PHACTR1: variants seen among roughly 807,000 people sequenced by gnomAD.
PHACTR1 encodes the protein phosphatase and actin regulator 1, also known as RPEL repeat containing 1.
PHACTR1 carries 16 observed loss-of-function variants against 69.2 expected under a neutral mutation model. The observed-to-expected ratio is 0.23, with a 90% confidence interval of 0.16 to 0.35. The LOEUF is 0.35. Among genes scored for constraint, PHACTR1 ranks in the 10% least tolerant of loss-of-function variants. PHACTR1 has a pLI of 1.00. For missense variants in PHACTR1, 510 were observed against 734.7 expected, an observed-to-expected ratio of 0.69 and a Z score of 3.54; for synonymous variants, 312 against 284.5, an observed-to-expected ratio of 1.10 and a Z score of -0.97.
At chr6:13,026,218 G>A (rs1278782900) in intron 4 of PHACTR1, among the ~76,000 whole-genome samples, 1 of 152,156 alleles carries the variant, frequency 6.6e-6, no homozygotes, top group East Asian at 1.9e-4. Flanking sequence ...AAATCTAAGA[G>A]TGCAATTCCT....
chr6:13,062,201 T>C (rs1002543752), intron 5 of PHACTR1, among the ~76,000 whole-genome samples: 3 of 152,226 alleles, frequency 2.0e-5, no homozygotes, highest in African/African-American at 4.8e-5. Context: ...ACTGATGTAA[T>C]AGTATGTATG....
intron 3 of PHACTR1, among the ~76,000 whole-genome samples, chr6:12,723,531 G>C (rs1378918753): frequency 7.4e-6 from 1 of 134,902 alleles, no homozygotes; most frequent in Non-Finnish European, 1.5e-5. Context: ...GTCTGGCTCT[G>C]TCATCTCAGG....
At chr6:12,982,469 A>G (rs772804858) in intron 4 of PHACTR1, among the ~76,000 whole-genome samples, 73 of 152,236 alleles carry the variant, frequency 4.8e-4, no homozygotes, top group Non-Finnish European at 1.3e-4. Flanking sequence ...TCATGAAGTC[A>G]GGAGTTCAAA....
chr6:13,168,744 G>T (rs1561932887), intron 6 of PHACTR1, among the ~76,000 whole-genome samples: 1 of 152,150 alleles, frequency 6.6e-6, no homozygotes, highest in African/African-American at 2.4e-5. Context: ...GAGGGGTAAG[G>T]GAATGTTACA....
chr6:13,252,413 T>A (rs1250390871), intron 10 of PHACTR1, among the ~76,000 whole-genome samples: 2 of 152,006 alleles, frequency 1.3e-5, no homozygotes, highest in Admixed American at 6.6e-5. Flanking sequence ...AACTTCCATT[T>A]GACTCTCCAT....
chr6:12,847,954 T>C (rs1779451208), intron 4 of PHACTR1, among the ~76,000 whole-genome samples: 1 of 152,210 alleles, frequency 6.6e-6, no homozygotes, highest in East Asian at 1.9e-4. Flanking sequence ...CGGTATATTA[T>C]CTTTTATTTG....
At chr6:12,861,001 T>A (rs1230846878) in intron 4 of PHACTR1, among the ~76,000 whole-genome samples, 1 of 152,226 alleles carries the variant, frequency 6.6e-6, no homozygotes, top group Non-Finnish European at 1.5e-5. Context: ...CCTGGACATG[T>A]GGTCCATAGA....
At chr6:13,029,339 G>A (rs1802133023) in intron 4 of PHACTR1, among the ~76,000 whole-genome samples, 1 of 152,204 alleles carries the variant, frequency 6.6e-6, no homozygotes, top group African/African-American at 2.4e-5. Flanking sequence ...GAGTGGTTTG[G>A]TGAAAAGGGC....
chr6:13,237,680 G>A (rs1160565441), intron 10 of PHACTR1, among the ~76,000 whole-genome samples: 3 of 152,186 alleles, frequency 2.0e-5, no homozygotes, highest in Admixed American at 6.5e-5. Context: ...ATTGCTTAAC[G>A]ATGGGATTAC....
chr6:12,939,277 C>G (rs747383302), intron 4 of PHACTR1, among the ~76,000 whole-genome samples: 1 of 152,154 alleles, frequency 6.6e-6, no homozygotes, highest in Non-Finnish European at 1.5e-5. Context: ...CCTTAGGTAA[C>G]TGATGCCTTA....
intron 4 of PHACTR1, among the ~76,000 whole-genome samples, chr6:12,921,256 C>T (rs566376947): frequency 1.1e-3 from 162 of 152,282 alleles, no homozygotes; most frequent in Non-Finnish European, 1.4e-3. Context: ...AGTTCATGTT[C>T]TTGACCACTT....
At chr6:12,935,697 G>A (rs1289547653) in intron 4 of PHACTR1, among the ~76,000 whole-genome samples, 1 of 152,112 alleles carries the variant, frequency 6.6e-6, no homozygotes, top group African/African-American at 2.4e-5. Context: ...TGGTAGGGGA[G>A]CAGTAACCTG....
rs1203127877 is a variant in PHACTR1, at chr6:13,287,302, T to C, written c.*224T>C. On this transcript the variant is annotated 3_prime_UTR_variant, in exon 15 of 15. Coordinates refer to ENST00000332995, the MANE Select transcript of PHACTR1 (RefSeq NM_030948.6). ...GCTGGTCCCACTTCTGACACCAAAATGCATCCCAACCCCCGGCAGTGCCAA... is the reference window on the plus strand; with the variant it reads ...GCTGGTCCCACTTCTGACACCAAAACGCATCCCAACCCCCGGCAGTGCCAA... 1.8e-6 allele frequency: 1 copy of C among 563,712 alleles called. No individual in the cohort carries two copies. Among genetic ancestry groups the C allele is most frequent in the South Asian group, 2.1e-5 (1 of 47,436 alleles). 34.9% of individuals were successfully genotyped at this position (563,712 alleles called of 1,614,324 possible). A position where few individuals can be genotyped will look rare whatever the true frequency, so the allele number is the denominator to read the frequency against.
chr6:13,074,772 T>G (rs1303393243), intron 5 of PHACTR1, among the ~76,000 whole-genome samples: 1 of 152,194 alleles, frequency 6.6e-6, no homozygotes, highest in African/African-American at 2.4e-5. Context: ...TCATGATCTT[T>G]CTACACAGTG....
intron 5 of PHACTR1, among the ~76,000 whole-genome samples, chr6:13,077,688 T>TA (rs1419627592): frequency 1.3e-5 from 2 of 152,010 alleles, no homozygotes; most frequent in Non-Finnish European, 2.9e-5. Flanking sequence ...CAGTTAGAGA[T>TA]ACAACCAACA....
intron 4 of PHACTR1, among the ~76,000 whole-genome samples, chr6:12,995,388 A>G (rs913032781): frequency 2.0e-5 from 3 of 152,104 alleles, no homozygotes; most frequent in African/African-American, 4.8e-5. Flanking sequence ...CACAACAACT[A>G]TAAATAGATT....
chr6:12,859,987 T>TTCATCATCA lies in PHACTR1; in HGVS notation c.250+110208_250+110216dup, dbSNP rs71552721. Among the ~76,000 whole-genome samples, 871 of 150,538 alleles carry TTCATCATCA rather than the reference T, an allele frequency of 5.8e-3. 2 individuals are homozygous for TTCATCATCA. Among genetic ancestry groups the TTCATCATCA allele is most frequent in the Middle Eastern group, 0.01 (3 of 292 alleles). On this transcript the variant is annotated intron_variant, in intron 4 of 14. Transcript: ENST00000332995. ...TAACTAATGGCTTAAGAAGGACATC[T>TTCATCATCA]TCATCATCATCATCATCATTATTAT... is the stretch of plus-strand genomic sequence containing the variant.
chr6:12,775,189 A>G (rs1167126609), intron 4 of PHACTR1, among the ~76,000 whole-genome samples: 1 of 152,160 alleles, frequency 6.6e-6, no homozygotes, highest in East Asian at 1.9e-4. Context: ...CACATGCTGT[A>G]CCACATTTTA....
intron 4 of PHACTR1, among the ~76,000 whole-genome samples, chr6:12,868,147 C>T (rs543299380): frequency 1.3e-5 from 2 of 151,972 alleles, no homozygotes; most frequent in African/African-American, 4.8e-5. Flanking sequence ...ATCCTAGCTA[C>T]TCAGGAGGCT....
Sources: gnomAD v4.1 joint callset for allele counts (sites outside exome capture counted in the v4.1 genomes callset) on GRCh38, gnomAD v4.1.1 for gene constraint, MANE v1.5 for transcripts, NCBI Gene and HGNC (gene_info 2026-07-23, HGNC 2026-07-21) for gene names.